The following NRXN3 variants were observed in gnomAD, a reference collection of about 807,000 sequenced individuals.
NRXN3 encodes the protein neurexin 3, also known as neurexin III.
A neutral mutation model predicts 137.6 loss-of-function variants in NRXN3; 32 were observed. The ratio of observed to expected loss-of-function variants is 0.23; its 90% confidence interval spans 0.18 to 0.31. NRXN3 has a LOEUF of 0.31. Ranked by LOEUF, NRXN3 falls within the 10% of genes least tolerant of loss-of-function variation. The pLI is 1.00. For synonymous variants in NRXN3, 798 were observed against 784.5 expected, an observed-to-expected ratio of 1.02 and a Z score of -0.29; for missense variants, 1,574 against 2,062.5, an observed-to-expected ratio of 0.76 and a Z score of 4.59.
chr14:78,922,974 C>T (rs554269723), intron 10 of NRXN3, among the ~76,000 whole-genome samples: 3 of 152,306 alleles, frequency 2.0e-5, no homozygotes, highest in African/African-American at 7.2e-5. Context: ...GTGGTGCCTT[C>T]GCCTTGGGGG....
intron 15 of NRXN3, among the ~76,000 whole-genome samples, chr14:79,052,938 G>A (rs562960112): frequency 3.9e-4 from 59 of 152,164 alleles, no homozygotes; most frequent in Non-Finnish European, 7.3e-4. Flanking sequence ...TAAGTAGCAG[G>A]TAGTGAAAGA....
chr14:78,796,515 G>A (rs2098822355), intron 8 of NRXN3, among the ~76,000 whole-genome samples: 1 of 152,166 alleles, frequency 6.6e-6, no homozygotes, highest in Non-Finnish European at 1.5e-5. Context: ...CAGCTTATAG[G>A]GAGCAGGCAG....
At chr14:78,879,014 T>C (rs139524580) in intron 10 of NRXN3, among the ~76,000 whole-genome samples, 1 of 152,310 alleles carries the variant, frequency 6.6e-6, no homozygotes, top group East Asian at 1.9e-4. Flanking sequence ...TTTGTCCATG[T>C]TGTTACAAAT....
In NRXN3 at chr14:78,300,179, GTATGT is replaced by G. The variant is rs537811164; in HGVS notation, c.757+2321_757+2325del. 2.0e-5 allele frequency among the ~76,000 whole-genome samples: 3 copies of G among 152,300 alleles called. No homozygotes were observed. In the South Asian group the frequency reaches 6.2e-4, roughly 32 times the overall value. ...CATAAATATGTGTGGAAATATGTAT[GTATGT>G]TGTGTGTACAACACCTATACATGTG... On this transcript the variant is annotated intron_variant, in intron 4 of 20. Transcript: ENST00000335750.
chr14:78,601,492 G>T (rs2097201354), intron 4 of NRXN3, among the ~76,000 whole-genome samples: 2 of 148,916 alleles, frequency 1.3e-5, no homozygotes, highest in South Asian at 2.1e-4. Flanking sequence ...TCACTGTGTT[G>T]CCCAGGCTGG....
chr14:79,474,625 G>A (rs192067093), intron 16 of NRXN3, among the ~76,000 whole-genome samples: 50 of 152,124 alleles, frequency 3.3e-4, no homozygotes, highest in African/African-American at 1.0e-3. Flanking sequence ...ATTATATAGC[G>A]TTGTGTCTCT....
intron 20 of NRXN3, among the ~76,000 whole-genome samples, chr14:79,815,594 A>C (rs1328201845): frequency 6.6e-6 from 1 of 152,184 alleles, no homozygotes; most frequent in Non-Finnish European, 1.5e-5. Flanking sequence ...AGGGAAATGT[A>C]AAAGAAAGGA....
chr14:79,416,010 G>T (rs897561251), intron 15 of NRXN3, among the ~76,000 whole-genome samples: 1 of 152,082 alleles, frequency 6.6e-6, no homozygotes, highest in Non-Finnish European at 1.5e-5. Flanking sequence ...GATTAATTGG[G>T]TAGAGGAGGC....
chr14:78,174,552 C>G (rs952929900), intron 1 of NRXN3, among the ~76,000 whole-genome samples: 1 of 152,134 alleles, frequency 6.6e-6, no homozygotes, highest in South Asian at 2.1e-4. Context: ...ACCAGCGTGC[C>G]TCCAATTGGA....
At chr14:79,771,253 G>C (rs1292789851) in intron 19 of NRXN3, among the ~76,000 whole-genome samples, 1 of 152,110 alleles carries the variant, frequency 6.6e-6, no homozygotes, top group Non-Finnish European at 1.5e-5. Context: ...GAAAAAGAGG[G>C]AATCCTCCCT....
chr14:79,280,465 T>C, intron 15 of NRXN3: 1 of 1,614,048 alleles, frequency 6.2e-7, no homozygotes. Context: ...ACGAGCACCA[T>C]TTCCATGGCA....
chr14:78,666,381 A>C (rs2097886850), intron 6 of NRXN3, among the ~76,000 whole-genome samples: 1 of 152,212 alleles, frequency 6.6e-6, no homozygotes, highest in South Asian at 2.1e-4. Context: ...AGCCAAAACA[A>C]AATGGTTATA....
chr14:78,930,849 C>A (rs1405737239), intron 10 of NRXN3, among the ~76,000 whole-genome samples: 1 of 152,120 alleles, frequency 6.6e-6, no homozygotes, highest in African/African-American at 2.4e-5. Context: ...GCAACAAATC[C>A]TGGTGGTTCT....
chr14:79,493,299 T>C (rs183097846), intron 16 of NRXN3, among the ~76,000 whole-genome samples: 34 of 152,274 alleles, frequency 2.2e-4, no homozygotes, highest in African/African-American at 8.2e-4. Flanking sequence ...AATTAATGAG[T>C]ACAACAGACA....
At chr14:78,591,282 G>A (rs2097113921) in intron 4 of NRXN3, among the ~76,000 whole-genome samples, 3 of 152,178 alleles carry the variant, frequency 2.0e-5, no homozygotes, top group Admixed American at 2.0e-4. Flanking sequence ...TTCAACTTTA[G>A]TGTGTTTACC....
intron 16 of NRXN3, among the ~76,000 whole-genome samples, chr14:79,638,403 T>C (rs1191789101): frequency 6.6e-6 from 1 of 152,080 alleles, no homozygotes; most frequent in Non-Finnish European, 1.5e-5. Flanking sequence ...CAAAACACCA[T>C]TTTACAGGTG....
At chr14:78,764,720 T>C (rs879443858) in intron 8 of NRXN3, among the ~76,000 whole-genome samples, 4 of 152,150 alleles carry the variant, frequency 2.6e-5, no homozygotes, top group Non-Finnish European at 5.9e-5. Flanking sequence ...GCGTGGTCAT[T>C]TCCTGAATGT....
intron 16 of NRXN3, chr14:79,611,396 A>G (rs143769542): frequency 0.052 from 7,844 of 152,258 alleles, 245 homozygotes; most frequent in Middle Eastern, 0.13. Flanking sequence ...TCAGGAGATC[A>G]AGACCATCCT....
At chr14:78,273,452 C>T (rs1439039644) in intron 2 of NRXN3, among the ~76,000 whole-genome samples, 13 of 152,166 alleles carry the variant, frequency 8.5e-5, no homozygotes, top group Non-Finnish European at 2.9e-5. Context: ...AAATCAACCC[C>T]AAACCTTTCC....
Sources: gnomAD v4.1 joint callset for allele counts (sites outside exome capture counted in the v4.1 genomes callset) on GRCh38, gnomAD v4.1.1 for gene constraint, MANE v1.5 for transcripts, NCBI Gene and HGNC (gene_info 2026-07-23, HGNC 2026-07-21) for gene names.